C2CD3: variants seen among roughly 807,000 people sequenced by gnomAD.
C2CD3 encodes the protein C2 domain containing 3 centriole elongation regulator, also known as C2 domain-containing protein 3.
Under a neutral mutation model 234.0 loss-of-function variants are expected in C2CD3, and 148 were observed. The observed-to-expected ratio is 0.63, with a 90% CI of 0.55 to 0.72. The LOEUF is 0.72. C2CD3 is among the 30% of genes least tolerant of loss of function. C2CD3 has a pLI of 0.00. For missense variants in C2CD3, 2,577 were observed against 2,811.5 expected (o/e 0.92, Z 1.89); for synonymous variants, 1,000 against 1,035.4 (o/e 0.97, Z 0.66).
intron 24 of C2CD3, chr11:74,070,598 T>C (rs775002674): frequency 1.3e-5 from 2 of 152,232 alleles, no homozygotes; most frequent in East Asian, 1.9e-4. Flanking sequence ...CTCTCAGTGA[T>C]TGCTGCTTTC....
Position 74,114,695 on chromosome 11 carries a change from T to G in C2CD3, c.1521-102A>C, listed in dbSNP as rs147330079. The G allele has an allele frequency of 3.3e-4, 240 of 720,638 alleles. 1 individual carries two copies. The African/African-American group carries it at 4.0e-3, about 12-fold the overall frequency. The allele number at this position is 720,638 out of a possible 1,614,324, so 44.6% of individuals were successfully genotyped here. On this transcript the variant is annotated intron_variant, in intron 9 of 32. Transcript: ENST00000334126. Reference sequence around the variant, plus strand: ...ATGAGGAAAAAGGGAGGGCAGCAAGTTTTTATTTTTTTATTTTTATTTTTG... The same window carrying G: ...ATGAGGAAAAAGGGAGGGCAGCAAGGTTTTATTTTTTTATTTTTATTTTTG...
At chr11:74,065,668 G>A (rs1406684117) in intron 24 of C2CD3, among the ~76,000 whole-genome samples, 1 of 152,068 alleles carries the variant, frequency 6.6e-6, no homozygotes, top group Non-Finnish European at 1.5e-5. Flanking sequence ...CAACCCACAT[G>A]TCCATCAATG....
intron 30 of C2CD3, among the ~76,000 whole-genome samples, chr11:74,035,440 T>C (rs1395238852): frequency 6.6e-6 from 1 of 152,236 alleles, no homozygotes; most frequent in Non-Finnish European, 1.5e-5. Context: ...GATTGCTACA[T>C]GGCTTTGTTC....
At chr11:74,069,659 G>A (rs1954706466) in intron 24 of C2CD3, among the ~76,000 whole-genome samples, 1 of 152,170 alleles carries the variant, frequency 6.6e-6, no homozygotes, top group African/African-American at 2.4e-5. Context: ...TGGTTAACTA[G>A]CATTGAGAAG....
chr11:74,077,656 A>C (rs1227352182), intron 23 of C2CD3, among the ~76,000 whole-genome samples: 1 of 150,602 alleles, frequency 6.6e-6, no homozygotes, highest in Non-Finnish European at 1.5e-5. Flanking sequence ...GTGGGATAGC[A>C]TTAGGAAAAA....
At chr11:74,021,307 C>A (rs1163171563) in intron 32 of C2CD3, among the ~76,000 whole-genome samples, 1 of 152,126 alleles carries the variant, frequency 6.6e-6, no homozygotes, top group African/African-American at 2.4e-5. Context: ...CAGCTGTACC[C>A]TTTAATCGAA....
chr11:74,142,282 C>A (rs1854858683), intron 3 of C2CD3: 1 of 152,252 alleles, frequency 6.6e-6, no homozygotes, highest in Non-Finnish European at 1.5e-5. Context: ...AGAAGGCACA[C>A]ACAGATTTCT....
chr11:74,104,274 A>G (rs1047841965), intron 13 of C2CD3, among the ~76,000 whole-genome samples: 1 of 152,234 alleles, frequency 6.6e-6, no homozygotes, highest in Non-Finnish European at 1.5e-5. Context: ...AATGCAATAG[A>G]TAATCCTGGA....
intron 16 of C2CD3, among the ~76,000 whole-genome samples, chr11:74,097,397 G>A (rs1271236866): frequency 6.6e-6 from 1 of 152,176 alleles, no homozygotes; most frequent in Non-Finnish European, 1.5e-5. Flanking sequence ...AATAAAGACT[G>A]AACTTGAAGT....
At chr11:74,058,492 A>G (rs992053591) in intron 24 of C2CD3, among the ~76,000 whole-genome samples, 17 of 152,220 alleles carry the variant, frequency 1.1e-4, no homozygotes, top group Admixed American at 3.3e-4. Flanking sequence ...TTTCTATCAT[A>G]TAGATTTCTA....
intron 31 of C2CD3, 130 bp from the exon 32 acceptor site, chr11:74,028,528 C>A (rs1952398297): frequency 3.1e-6 from 2 of 643,684 alleles, no homozygotes; most frequent in Non-Finnish European, 5.3e-6. Flanking sequence ...TCCATAAATT[C>A]TTTGCTCAGC....
At chr11:74,147,659 A>G (rs1198913569) in intron 3 of C2CD3, among the ~76,000 whole-genome samples, 1 of 152,258 alleles carries the variant, frequency 6.6e-6, no homozygotes, top group African/African-American at 2.4e-5. Context: ...ATTACTGCCT[A>G]TGTAAAAAAT....
intron 8 of C2CD3, among the ~76,000 whole-genome samples, chr11:74,121,602 C>T (rs1439131013): frequency 7.4e-6 from 1 of 134,424 alleles, no homozygotes; most frequent in Non-Finnish European, 1.6e-5. Flanking sequence ...ATGAGAGACT[C>T]CGTCTCAAAA....
chr11:74,150,315 TAAAAAAAAAAATAC>T (rs1855513337), intron 3 of C2CD3, among the ~76,000 whole-genome samples: 1 of 142,744 alleles, frequency 7.0e-6, no homozygotes. Flanking sequence ...TGTCTCTACT[TAAAAAAAAAAATAC>T]AAAAAAAAAT....
intron 3 of C2CD3, among the ~76,000 whole-genome samples, chr11:74,143,478 A>G (rs1378346905): frequency 6.6e-6 from 1 of 150,538 alleles, no homozygotes; most frequent in Non-Finnish European, 1.5e-5. Flanking sequence ...TCAGCCTCCA[A>G]AGTAGCTGGG....
At chr11:74,133,728 A>C in intron 5 of C2CD3, 171 bp from the exon 6 acceptor site, 1 of 638,454 alleles carries the variant, frequency 1.6e-6, no homozygotes, top group Non-Finnish European at 2.7e-6. Context: ...CGCAAAAGAG[A>C]TGTTTACTGA....
At position 74,022,509 on chromosome 11, in the gene C2CD3, A is replaced by G. The variant is rs531647054; in HGVS notation, c.6921+5778T>C. ...GAAGATAAGGATTTGAGAGTCATTC[A>G]AAGTCATATTTGAAGTCATCAGAGT... On this transcript the variant is annotated intron_variant, in intron 32 of 32. Coordinates refer to ENST00000334126, the MANE Select transcript of C2CD3 (RefSeq NM_001286577.2). Among the ~76,000 whole-genome samples the G allele has an allele frequency of 2.6e-4, 40 of 152,340 alleles. 1 individual carries two copies. Among genetic ancestry groups the G allele is most frequent in the Admixed American group, 2.5e-3 (38 of 15,304 alleles).
chr11:74,049,184 A>G (rs1426552680), intron 27 of C2CD3, among the ~76,000 whole-genome samples, 153 bp downstream of exon 27: 1 of 152,188 alleles, frequency 6.6e-6, no homozygotes, highest in African/African-American at 2.4e-5. Context: ...ATTCCAGAAC[A>G]TTTTCATCAC....
At chr11:74,129,165 G>A (rs1194654488) in intron 7 of C2CD3, 19 of 175,816 alleles carry the variant, frequency 1.1e-4, no homozygotes, top group East Asian at 5.5e-4. Flanking sequence ...GCGGCTGGCC[G>A]GGCGGGGAGC....
Sources: allele counts gnomAD v4.1 joint callset (sites outside exome capture counted in the v4.1 genomes callset), GRCh38; gene constraint gnomAD v4.1.1; transcripts MANE v1.5; gene names NCBI Gene and HGNC (gene_info 2026-07-23, HGNC 2026-07-21).